The following PLCB2 variants were observed in gnomAD, a reference collection of about 807,000 sequenced individuals.
PLCB2 encodes phospholipase C beta 2, also known as 1-phosphatidylinositol 4,5-bisphosphate phosphodiesterase beta-2.
PLCB2 carries 115 observed loss-of-function variants against 141.7 expected under a neutral mutation model. The ratio of observed to expected loss-of-function variants is 0.81; its 90% CI spans 0.70 to 0.95. The LOEUF is 0.95. Ranked by LOEUF, PLCB2 falls within the 40% of genes least tolerant of loss-of-function variation. The probability of loss-of-function intolerance (pLI) is 0.00; values close to 1 mark genes in which losing one functional copy is unlikely to be tolerated. For missense variants in PLCB2, 1,403 were observed against 1,541.1 expected, an observed-to-expected ratio of 0.91 and a Z score of 1.50; for synonymous variants, 603 against 595.6, an observed-to-expected ratio of 1.01 and a Z score of -0.18.
chr15:40,285,621 G>A (rs1000572357), downstream of PLCB2: 56 of 985,256 alleles, frequency 5.7e-5, no homozygotes, highest in Non-Finnish European at 6.5e-5. Context: ...CCCAGTAACT[G>A]GGCAGGAATG....
intron 11 of PLCB2, 69 bp from the exon 12 acceptor site, chr15:40,298,028 TC>T (rs1201998958): frequency 5.4e-6 from 7 of 1,285,760 alleles, no homozygotes; most frequent in South Asian, 1.2e-5. Context: ...ATAGCACTTT[TC>T]CCCCCTGCCT....
Position 40,291,936 on chromosome 15 carries a change from G to C in PLCB2, c.2527-12C>G. The C allele has an allele frequency of 6.2e-7, 1 of 1,614,002 alleles. No homozygotes were observed. The highest frequency in any genetic ancestry group is 8.5e-7 in the Non-Finnish European group (1 of 1,179,936). ...AGTGGGAAGGGCTTCTGTGTAGGGAGAGCAGGTCAGGAAGGTGGCTTGACA... is the reference window on the plus strand; with the variant it reads ...AGTGGGAAGGGCTTCTGTGTAGGGACAGCAGGTCAGGAAGGTGGCTTGACA... On this transcript the variant is annotated splice_polypyrimidine_tract_variant and intron_variant, in intron 23 of 31. Transcript: ENST00000260402.
chr15:40,304,391 C>T lies in PLCB2; in HGVS notation c.85-313G>A, dbSNP rs141912691. Reference sequence around the variant, plus strand: ...TGCCACCCAGGAGAGATTGACACAGCGAGAGCCAAGAGCCCAAACTCCTGC... The same window carrying T: ...TGCCACCCAGGAGAGATTGACACAGTGAGAGCCAAGAGCCCAAACTCCTGC... On this transcript the variant is annotated intron_variant, in intron 1 of 31. Transcript: ENST00000260402. Among the ~76,000 whole-genome samples the T allele has an allele frequency of 3.5e-3, 539 of 152,234 alleles. 5 individuals are homozygous for T. Among genetic ancestry groups the T allele is most frequent in the African/African-American group, 0.013 (521 of 41,518 alleles).
intron 27 of PLCB2, 58 bp from the exon 28 acceptor site, chr15:40,290,895 G>T: frequency 7.3e-7 from 1 of 1,378,466 alleles, no homozygotes; most frequent in Non-Finnish European, 1.0e-6. Flanking sequence ...AGGGAGTACG[G>T]GGGGCGGGGG....
chr15:40,290,127 G>T, intron 29 of PLCB2, 45 bp from the exon 30 acceptor site: 1 of 1,176,136 alleles, frequency 8.5e-7, no homozygotes. Context: ...AAACCCCTAG[G>T]GAGAGTAGGG....
intron 1 of PLCB2, among the ~76,000 whole-genome samples, chr15:40,307,274 G>A (rs1220041995): frequency 6.6e-6 from 1 of 152,134 alleles, no homozygotes; most frequent in African/African-American, 2.4e-5. Context: ...CTCAGCTCTG[G>A]GGTGCACTTT....
In PLCB2 at chr15:40,288,410, C is replaced by A. The variant is rs1237974642; in HGVS notation, c.*305G>T. 1.8e-6 allele frequency: 2 copies of A among 1,118,678 alleles called. No homozygotes were observed. The highest frequency in any genetic ancestry group is 9.7e-5 in the East Asian group (2 of 20,586). 69.3% of individuals were successfully genotyped at this position (1,118,678 alleles called of 1,614,324 possible). ...AAGGCAGAGTGGGGCCAGGATCCCA[C>A]TTTCTGCCTTCCAGTCCATAGTCTT... On this transcript the variant is annotated 3_prime_UTR_variant, in exon 32 of 32. Coordinates refer to ENST00000260402, the MANE Select transcript of PLCB2 (RefSeq NM_004573.3).
chr15:40,295,080 C>T lies in PLCB2; in HGVS notation c.1782-20G>A. Reference sequence around the variant, plus strand: ...TTGTAGCTGTCCCTGAGTTTAGGACCCTAGCCAAGGCCATCTGCACCAGGA... The same window carrying T: ...TTGTAGCTGTCCCTGAGTTTAGGACTCTAGCCAAGGCCATCTGCACCAGGA... On this transcript the variant is annotated intron_variant, in intron 17 of 31. Coordinates refer to ENST00000260402, the MANE Select transcript of PLCB2 (RefSeq NM_004573.3). The T allele has an allele frequency of 6.2e-7, 1 of 1,610,374 alleles. No individual in the cohort carries two copies. Among genetic ancestry groups the T allele is most frequent in the Non-Finnish European group, 8.5e-7 (1 of 1,177,326 alleles).
chr15:40,295,138 C>T, intron 17 of PLCB2, 63 bp downstream of exon 17: 1 of 1,611,396 alleles, frequency 6.2e-7, no homozygotes, highest in Non-Finnish European at 8.5e-7. Context: ...GGCCCTGTCC[C>T]CAGGCCCTCC....
chr15:40,292,543 C>T (rs2039996122), intron 21 of PLCB2, 100 bp from the exon 22 acceptor site: 5 of 724,284 alleles, frequency 6.9e-6, no homozygotes, highest in Admixed American at 2.8e-5. Context: ...GGCACTGCAC[C>T]ATCCTGGCTG....
At chr15:40,304,623 C>T (rs1297343106) in intron 1 of PLCB2, among the ~76,000 whole-genome samples, 1 of 152,122 alleles carries the variant, frequency 6.6e-6, no homozygotes, top group African/African-American at 2.4e-5. Flanking sequence ...AAAACCCTTC[C>T]TGAAATGTGC....
At chr15:40,287,814 A>AT (rs575651797), downstream of PLCB2, 791 of 526,142 alleles carry the variant, frequency 1.5e-3, no homozygotes, top group South Asian at 5.0e-3. Context: ...CTCCCAAGAG[A>AT]TTTTTTTTTC....
chr15:40,294,841 G>A (rs758275745), intron 18 of PLCB2, 95 bp downstream of exon 18: 17 of 1,500,052 alleles, frequency 1.1e-5, no homozygotes, highest in Non-Finnish European at 1.4e-5. Context: ...CTAACAGCAG[G>A]ACTCCCCAGC....
rs535975349 is a variant in PLCB2 at position 40,297,204 on chromosome 15, C to A, written c.1324-296G>T. ...CTGTCCATCACTTCCTCCAGGAAGCCTTCCCTGATCCCCAAGACCAGATCA... is the reference window on the plus strand; with the variant it reads ...CTGTCCATCACTTCCTCCAGGAAGCATTCCCTGATCCCCAAGACCAGATCA... On this transcript the variant is annotated intron_variant, in intron 13 of 31. Coordinates refer to ENST00000260402, the MANE Select transcript of PLCB2 (RefSeq NM_004573.3). The surrounding 1 kb of genome is among the most constrained non-coding windows in gnomAD (Gnocchi z 4.2). Among the ~76,000 whole-genome samples the A allele has an allele frequency of 3.3e-5, 5 of 152,236 alleles. No individual in the cohort carries two copies. In the South Asian group the frequency reaches 1.0e-3, roughly 32 times the overall value.
chr15:40,300,035 G>C (rs2040429604), intron 7 of PLCB2, among the ~76,000 whole-genome samples: 1 of 152,226 alleles, frequency 6.6e-6, no homozygotes, highest in Admixed American at 6.5e-5. Context: ...ACAAGTGTCA[G>C]CGGGATGTGA....
Position 40,296,789 on chromosome 15 carries a change from A to T in PLCB2, c.1443T>A (p.Ala481=), listed in dbSNP as rs774531146. 68 of 1,613,848 alleles carry T rather than the reference A, an allele frequency of 4.2e-5. No homozygotes were observed. Among genetic ancestry groups the T allele is most frequent in the Non-Finnish European group, 5.5e-5 (65 of 1,179,948 alleles). ...GGGCACTGGGTGGGCTGCTGCCCTC[A>T]GCCTCCCCACCAGTATCCTTACTGG... ...TSSSKDTGGE[A]EGSSPPSAPA... Residue 481 remains alanine, a synonymous_variant, in exon 14 of 32, where the codon GCT becomes GCA. Coordinates refer to ENST00000260402, the MANE Select transcript of PLCB2 (RefSeq NM_004573.3).
At chr15:40,294,230 C>G in intron 19 of PLCB2, 36 bp downstream of exon 19, 3 of 1,609,388 alleles carry the variant, frequency 1.9e-6, no homozygotes, top group Non-Finnish European at 2.5e-6. Flanking sequence ...CTCAAGACCT[C>G]AGCCTCCCGG....
downstream of PLCB2, chr15:40,285,766 G>T (rs771305152): frequency 8.1e-6 from 8 of 985,352 alleles, no homozygotes; most frequent in Non-Finnish European, 9.6e-6. Flanking sequence ...GAACCTGTGT[G>T]TGGCCCACCA....
At chr15:40,303,155 TC>T (rs985513329) in intron 3 of PLCB2, 132 bp downstream of exon 3, 1 of 714,684 alleles carries the variant, frequency 1.4e-6, no homozygotes, top group Non-Finnish European at 2.5e-6. Context: ...CCAGCCACGG[TC>T]CTTGCTGCCC....
Sources: allele counts gnomAD v4.1 joint callset (sites outside exome capture counted in the v4.1 genomes callset), GRCh38; gene constraint gnomAD v4.1.1; non-coding constraint Gnocchi (gnomAD v3.1); transcripts MANE v1.5; gene names NCBI Gene and HGNC (gene_info 2026-07-23, HGNC 2026-07-21).